The following KDM1B variants were observed in gnomAD, a reference collection of about 807,000 sequenced individuals.
The protein encoded by KDM1B is lysine-specific histone demethylase 2.
In KDM1B, 63 loss-of-function variants were observed where a neutral mutation model predicts 107.4. That is an observed-to-expected ratio of 0.59 (90% CI 0.48 to 0.72). The LOEUF (loss-of-function observed/expected upper bound fraction) is 0.72. KDM1B is among the 30% of genes least tolerant of loss of function. KDM1B has a pLI of 0.00. For missense variants in KDM1B, 749 were observed against 1,020.8 expected (o/e 0.73, Z 3.63); for synonymous variants, 363 against 363.9 (o/e 1.00, Z 0.03).
intron 12 of KDM1B, among the ~76,000 whole-genome samples, chr6:18,198,010 C>T (rs1350123515): frequency 6.6e-6 from 1 of 150,898 alleles, no homozygotes; most frequent in Non-Finnish European, 1.5e-5. Flanking sequence ...ACCGCAACCT[C>T]TGCCTCTTGG....
intron 2 of KDM1B, among the ~76,000 whole-genome samples, chr6:18,157,686 A>G (rs185279423): frequency 2.6e-5 from 4 of 151,082 alleles, no homozygotes; most frequent in Non-Finnish European, 5.9e-5. Flanking sequence ...AGATTTGTAT[A>G]TTTATGTATA....
intron 7 of KDM1B, among the ~76,000 whole-genome samples, chr6:18,179,723 T>G (rs1786299565): frequency 6.6e-6 from 1 of 152,024 alleles, no homozygotes; most frequent in Admixed American, 6.6e-5. Flanking sequence ...CGGTATCCTT[T>G]CTTTTATTCT....
At chr6:18,174,192 A>G (rs1183449848) in intron 7 of KDM1B, among the ~76,000 whole-genome samples, 1 of 152,138 alleles carries the variant, frequency 6.6e-6, no homozygotes, top group Non-Finnish European at 1.5e-5. Context: ...TGTCATGATT[A>G]TTGTATCTGT....
rs996189204 is a variant in KDM1B at position 18,199,432 on chromosome 6, A to G, written c.1222-1007A>G. ...GCCTGAAAGATGGTTAACTTGGGGA[A>G]CCTCTCCTTGAGAATTTCAAGTAGT... On this transcript the variant is annotated intron_variant, in intron 12 of 21. Transcript: ENST00000650836. Among the ~76,000 whole-genome samples, 4 of 152,190 alleles carry G rather than the reference A, an allele frequency of 2.6e-5. No individual in the cohort carries two copies. The South Asian group carries it at 6.2e-4, about 24-fold the overall frequency.
At chr6:18,175,734 C>G (rs1361773938) in intron 7 of KDM1B, among the ~76,000 whole-genome samples, 1 of 152,150 alleles carries the variant, frequency 6.6e-6, no homozygotes, top group Admixed American at 6.5e-5. Flanking sequence ...TGTCCTTTCC[C>G]CACTTTATGT....
At chr6:18,182,688 C>A (rs1786560134) in intron 7 of KDM1B, among the ~76,000 whole-genome samples, 1 of 152,054 alleles carries the variant, frequency 6.6e-6, no homozygotes, top group Non-Finnish European at 1.5e-5. Flanking sequence ...CGACCATGCA[C>A]AGCTACTTTT....
intron 16 of KDM1B, 21 bp from the exon 17 acceptor site, chr6:18,208,111 T>TC (rs777515455): frequency 4.4e-6 from 7 of 1,599,422 alleles, no homozygotes; most frequent in Non-Finnish European, 6.0e-6. Context: ...TCACTTTTTT[T>TC]CATAATTGCT....
Position 18,213,004 on chromosome 6 carries a change from CA to C in KDM1B, c.1983+401del, listed in dbSNP as rs1444930620. On this transcript the variant is annotated intron_variant, in intron 18 of 21. Coordinates refer to ENST00000650836, the MANE Select transcript of KDM1B (RefSeq NM_001364614.2). The surrounding 1 kb of genome is among the most constrained non-coding windows in gnomAD (Gnocchi z 5.9). ...GGGCCAGTGCTGCAGCAGATTCTGA[CA>C]GACCTATGAGTAGTGAGAGTTTAAC... is the stretch of plus-strand genomic sequence containing the variant. Among the ~76,000 whole-genome samples, 1 of 152,172 alleles carries C rather than the reference CA, an allele frequency of 6.6e-6. No individual in the cohort carries two copies. Among genetic ancestry groups the C allele is most frequent in the Non-Finnish European group, 1.5e-5 (1 of 68,036 alleles).
Position 18,222,121 on chromosome 6 carries a change from T to G in KDM1B, c.*129T>G. ...TAAAACTGAAATGTTTCTAAGGCGA[T>G]ATGATAATGCAAACCTATTTCATCA... On this transcript the variant is annotated 3_prime_UTR_variant, in exon 22 of 22. Coordinates refer to ENST00000650836, the MANE Select transcript of KDM1B (RefSeq NM_001364614.2). The G allele has an allele frequency of 1.2e-6, 1 of 840,930 alleles. No individual in the cohort carries two copies. The allele number at this position is 840,930 out of a possible 1,614,324, so 52.1% of individuals were successfully genotyped here. A position where few individuals can be genotyped will look rare whatever the true frequency, so the allele number is the denominator to read the frequency against.
intron 8 of KDM1B, among the ~76,000 whole-genome samples, chr6:18,187,502 A>G (rs1786948021): frequency 6.6e-6 from 1 of 152,148 alleles, no homozygotes. Context: ...CACAGCTTTC[A>G]GACTCACCTG....
intron 7 of KDM1B, among the ~76,000 whole-genome samples, chr6:18,183,504 C>T (rs576090679): frequency 2.6e-5 from 4 of 152,008 alleles, no homozygotes; most frequent in Admixed American, 6.6e-5. Context: ...AGGTGATCCA[C>T]CCACCTCGGC....
At chr6:18,210,154 G>C (rs554369451) in intron 17 of KDM1B, among the ~76,000 whole-genome samples, 1 of 152,178 alleles carries the variant, frequency 6.6e-6, no homozygotes, top group East Asian at 1.9e-4. Flanking sequence ...GTTTGCATTG[G>C]AAGTTTCCCC....
Position 18,222,174 on chromosome 6 carries a change from T to G in KDM1B, c.*182T>G. 2 of 697,350 alleles carry G rather than the reference T, an allele frequency of 2.9e-6. No homozygotes were observed. The highest frequency in any genetic ancestry group is 5.3e-6 in the Non-Finnish European group (2 of 380,738). The allele number at this position is 697,350 out of a possible 1,614,324, so 43.2% of individuals were successfully genotyped here. A position where few individuals can be genotyped will look rare whatever the true frequency, so the allele number is the denominator to read the frequency against. On this transcript the variant is annotated 3_prime_UTR_variant, in exon 22 of 22. Coordinates refer to ENST00000650836, the MANE Select transcript of KDM1B (RefSeq NM_001364614.2). ...CTAAAAGCACTGACCTCAAAAAACC[T>G]TATAAGCACTTAGATTTAATTGCAT...
intron 17 of KDM1B, among the ~76,000 whole-genome samples, chr6:18,208,628 T>TATATATATATATATATATATC (rs1491350264): frequency 6.2e-5 from 1 of 16,250 alleles, no homozygotes; most frequent in East Asian, 2.0e-3. Context: ...TATATATATA[T>TATATATATATATATATATATC]TTTTTTTTTT....
intron 21 of KDM1B, among the ~76,000 whole-genome samples, chr6:18,218,230 C>T (rs1171163479): frequency 6.6e-6 from 1 of 152,148 alleles, no homozygotes; most frequent in Admixed American, 6.6e-5. Flanking sequence ...AGGTGACCCT[C>T]CCACCTCAGC....
rs1383013963 is a variant in KDM1B at position 18,214,913 on chromosome 6, TAAAAC to T, written c.2110-79_2110-75del. ...TGACAGAGCAAAACTCTGTCTCATTTAAAACAAAACAAAACAAAAAACAAAAAAAA... is the reference window on the plus strand; with the variant it reads ...TGACAGAGCAAAACTCTGTCTCATTTAAAACAAAACAAAAAACAAAAAAAA... On this transcript the variant is annotated intron_variant, in intron 19 of 21. Coordinates refer to ENST00000650836, the MANE Select transcript of KDM1B (RefSeq NM_001364614.2). This position sits in a 1 kb window ranked among gnomAD's most constrained non-coding sequence, Gnocchi z 4.4. 17 of 1,341,966 alleles carry T rather than the reference TAAAAC, an allele frequency of 1.3e-5. No homozygotes were observed. Among genetic ancestry groups the T allele is most frequent in the Middle Eastern group, 1.9e-4 (1 of 5,206 alleles). The allele number at this position is 1,341,966 out of a possible 1,614,324, so 83.1% of individuals were successfully genotyped here.
rs1288356196 is a variant in KDM1B, at chr6:18,162,868, T to G, written c.249T>G (p.Tyr83Ter). The G allele has an allele frequency of 8.1e-6, 13 of 1,612,030 alleles. No individual in the cohort carries two copies. The highest frequency in any genetic ancestry group is 1.1e-5 in the Non-Finnish European group (13 of 1,178,074). ...CAKNGYTSRW[Y>*]HLSCGEHFCN... ...AAAATGGCTACACCTCCCGATGGTA[T>G]CATCTCTCCTGTGGGGAACATTTCT... The change falls in exon 5 of 22, where the codon TAT becomes TAG. Residue 83 changes from tyrosine (Y) to a stop codon, truncating the protein, a stop_gained. Transcript: ENST00000650836. LOFTEE classifies it high-confidence loss of function. This position sits in a 1 kb window ranked among gnomAD's most constrained non-coding sequence, Gnocchi z 4.1.
At chr6:18,187,716 C>G (rs1380856233) in intron 8 of KDM1B, 76 bp from the exon 9 acceptor site, 1 of 981,358 alleles carries the variant, frequency 1.0e-6, no homozygotes, top group Non-Finnish European at 1.6e-6. Context: ...GAAGAGAACC[C>G]TCTGTCCCTG....
intron 7 of KDM1B, among the ~76,000 whole-genome samples, chr6:18,173,581 C>T (rs184927299): frequency 6.6e-6 from 1 of 152,062 alleles, no homozygotes. Flanking sequence ...TTACCTTTCA[C>T]CTTGTAAACA....
Sources: gnomAD v4.1 joint callset for allele counts (sites outside exome capture counted in the v4.1 genomes callset) on GRCh38, gnomAD v4.1.1 for gene constraint, Gnocchi (gnomAD v3.1) non-coding constraint, MANE v1.5 for transcripts, NCBI Gene and HGNC (gene_info 2026-07-23, HGNC 2026-07-21) for gene names.